Variants in FSHR observed in about 807,000 individuals in gnomAD.
FSHR encodes follicle stimulating hormone receptor, also known as follicle-stimulating hormone receptor.
FSHR carries 46 observed loss-of-function variants against 52.1 expected under a neutral mutation model. That is an observed-to-expected ratio of 0.88 (90% CI 0.70 to 1.13). FSHR has a LOEUF of 1.13. FSHR is among the 50% of genes most tolerant of loss of function. FSHR has a pLI of 0.00. For missense variants in FSHR, 964 were observed against 834.6 expected (o/e 1.16, Z -1.91); for synonymous variants, 399 against 309.6 (o/e 1.29, Z -3.03).
intron 9 of FSHR, among the ~76,000 whole-genome samples, chr2:48,967,549 AT>A (rs1453602230): frequency 2.0e-5 from 3 of 152,194 alleles, no homozygotes; most frequent in African/African-American, 7.2e-5. Context: ...AAGAATTCTG[AT>A]TGTCAGGAAG....
intron 1 of FSHR, among the ~76,000 whole-genome samples, chr2:49,131,861 T>C (rs1338754699): frequency 2.0e-5 from 3 of 152,192 alleles, no homozygotes; most frequent in Non-Finnish European, 2.9e-5. Flanking sequence ...TCCTTTTTTA[T>C]ACCCAGCACA....
chr2:48,999,581 C>G (rs1248273677), intron 4 of FSHR, among the ~76,000 whole-genome samples: 2 of 152,056 alleles, frequency 1.3e-5, no homozygotes, highest in Admixed American at 1.3e-4. Context: ...TGAAGAGGGC[C>G]TTAGACTCCG....
At chr2:49,017,705 T>C in intron 3 of FSHR, 142 bp from the exon 4 acceptor site, 1 of 713,514 alleles carries the variant, frequency 1.4e-6, no homozygotes, top group Middle Eastern at 2.5e-4. Context: ...CATCCATCCA[T>C]CATTTCAATA....
chr2:49,075,442 A>G (rs1572710345), intron 1 of FSHR, among the ~76,000 whole-genome samples: 2 of 111,904 alleles, frequency 1.8e-5, no homozygotes, highest in Admixed American at 9.6e-5. Flanking sequence ...ATAACAATAA[A>G]CAAGATCAAC....
At chr2:49,039,150 A>G (rs1427614185) in intron 2 of FSHR, among the ~76,000 whole-genome samples, 2 of 152,182 alleles carry the variant, frequency 1.3e-5, no homozygotes, top group African/African-American at 2.4e-5. Flanking sequence ...TGTAGCAAGT[A>G]CAATTATATA....
intron 2 of FSHR, among the ~76,000 whole-genome samples, chr2:49,061,643 ATATAACTATATATAACTATATATT>A (rs1463911458): frequency 1.9e-4 from 28 of 143,662 alleles, no homozygotes; most frequent in East Asian, 6.0e-4. Flanking sequence ...TCTATAATAT[ATATAACTATATATAACTATATATT>A]TATAACTATA....
intron 2 of FSHR, among the ~76,000 whole-genome samples, chr2:49,062,825 A>G (rs974477665): frequency 1.3e-5 from 2 of 152,104 alleles, no homozygotes; most frequent in African/African-American, 4.8e-5. Context: ...ATCACTAATT[A>G]TCAGAAAAAT....
At chr2:49,143,832 T>C (rs1490028835) in intron 1 of FSHR, among the ~76,000 whole-genome samples, 1 of 152,150 alleles carries the variant, frequency 6.6e-6, no homozygotes, top group Non-Finnish European at 1.5e-5. Context: ...GAAGCCAAAG[T>C]GATTTATACT....
At chr2:49,117,192 A>G (rs1183583965) in intron 1 of FSHR, among the ~76,000 whole-genome samples, 1 of 152,208 alleles carries the variant, frequency 6.6e-6, no homozygotes, top group Non-Finnish European at 1.5e-5. Context: ...GAGGACAACT[A>G]CGGAATATCT....
intron 1 of FSHR, among the ~76,000 whole-genome samples, chr2:49,116,680 G>A (rs1296618332): frequency 6.6e-6 from 1 of 152,086 alleles, no homozygotes; most frequent in Admixed American, 6.6e-5. Context: ...TGTACCCACA[G>A]TTTGCTACCA....
intron 2 of FSHR, among the ~76,000 whole-genome samples, chr2:49,042,123 G>T (rs1668497974): frequency 6.6e-6 from 1 of 152,106 alleles, no homozygotes; most frequent in Non-Finnish European, 1.5e-5. Flanking sequence ...TAGGTATATA[G>T]CCATTCATTT....
intron 1 of FSHR, among the ~76,000 whole-genome samples, chr2:49,078,456 G>C (rs1425525390): frequency 6.6e-6 from 1 of 152,110 alleles, no homozygotes; most frequent in East Asian, 1.9e-4. Flanking sequence ...TGTAACATTG[G>C]TAACAAAAGT....
At chr2:49,055,531 C>CAAAAAAAAAAAAAAAAAAA (rs75665223) in intron 2 of FSHR, among the ~76,000 whole-genome samples, 1 of 51,142 alleles carries the variant, frequency 2.0e-5, no homozygotes, top group South Asian at 7.7e-4. Flanking sequence ...CCAGGAAGCT[C>CAAAAAAAAAAAAAAAAAAA]AAAAAAAAAA....
rs1345639633 is a variant in FSHR, at chr2:49,127,751, TTTCTTCTTCTTCTTCTTC to T, written c.152+26497_152+26514del. ...ATTTGTGCATGATTTCTTCTTCTTC[TTTCTTCTTCTTCTTCTTC>T]TTCTTCTTCTTCTTCTTCTTCTTCT... On this transcript the variant is annotated intron_variant, in intron 1 of 9. Coordinates refer to ENST00000406846, the MANE Select transcript of FSHR (RefSeq NM_000145.4). 9.2e-3 allele frequency among the ~76,000 whole-genome samples: 713 copies of T among 77,486 alleles called. 16 individuals are homozygous for T. The highest frequency in any genetic ancestry group is 0.017 in the Middle Eastern group (3 of 172). The allele number at this position is 77,486 out of a possible 152,430, so 50.8% of individuals were successfully genotyped here.
At chr2:49,114,460 A>G (rs1268949181) in intron 1 of FSHR, among the ~76,000 whole-genome samples, 1 of 152,194 alleles carries the variant, frequency 6.6e-6, no homozygotes, top group Non-Finnish European at 1.5e-5. Flanking sequence ...TCAGAGAAAA[A>G]AAGAATGAAT....
At chr2:49,007,293 C>A (rs1248652099) in intron 4 of FSHR, among the ~76,000 whole-genome samples, 1 of 151,976 alleles carries the variant, frequency 6.6e-6, no homozygotes, top group Non-Finnish European at 1.5e-5. Flanking sequence ...GTACTATAGA[C>A]AAGTCAGCTT....
At chr2:49,126,428 G>A (rs774782867) in intron 1 of FSHR, among the ~76,000 whole-genome samples, 1 of 152,122 alleles carries the variant, frequency 6.6e-6, no homozygotes, top group Non-Finnish European at 1.5e-5. Flanking sequence ...CATTTATGAG[G>A]GTTCTCTGCC....
intron 8 of FSHR, among the ~76,000 whole-genome samples, chr2:48,975,518 C>T (rs372000666): frequency 1.3e-5 from 2 of 152,110 alleles, no homozygotes; most frequent in Non-Finnish European, 2.9e-5. Flanking sequence ...ATGGCCTCCC[C>T]GGTTCTGAAG....
chr2:49,053,203 T>A (rs181977774), intron 2 of FSHR, among the ~76,000 whole-genome samples: 24 of 152,328 alleles, frequency 1.6e-4, no homozygotes, highest in South Asian at 8.3e-4. Flanking sequence ...TATTTCACAT[T>A]TTGGCTTATT....
Sources: allele counts gnomAD v4.1 joint callset (sites outside exome capture counted in the v4.1 genomes callset), GRCh38; gene constraint gnomAD v4.1.1; transcripts MANE v1.5; gene names NCBI Gene and HGNC (gene_info 2026-07-23, HGNC 2026-07-21).